ZNF804A: variants seen among roughly 807,000 people sequenced by gnomAD.
ZNF804A encodes zinc finger protein 804A.
In ZNF804A, 2 loss-of-function variants were observed where a neutral mutation model predicts 16.5. The ratio of observed to expected loss-of-function variants is 0.12; its 90% CI spans 0.05 to 0.38. The LOEUF (loss-of-function observed/expected upper bound fraction) is 0.38. Among genes scored for constraint, ZNF804A ranks in the 10% least tolerant of loss-of-function variants. ZNF804A has a pLI of 0.99. For missense variants in ZNF804A, 1,473 were observed against 1,390.7 expected (o/e 1.06, Z -0.94); for synonymous variants, 534 against 489.6 (o/e 1.09, Z -1.20).
intron 1 of ZNF804A, among the ~76,000 whole-genome samples, chr2:184,812,598 G>GA (rs755757980): frequency 2.0e-5 from 3 of 151,976 alleles, no homozygotes; most frequent in East Asian, 1.9e-4. Flanking sequence ...CAAATGAAAG[G>GA]AAAAAAGGGG....
chr2:184,849,553 A>G (rs1695571590), intron 1 of ZNF804A, among the ~76,000 whole-genome samples: 1 of 152,074 alleles, frequency 6.6e-6, no homozygotes, highest in South Asian at 2.1e-4. Context: ...TTCCCCAGTT[A>G]AAATGGATTC....
At chr2:184,823,255 A>G (rs1695109667) in intron 1 of ZNF804A, among the ~76,000 whole-genome samples, 1 of 152,082 alleles carries the variant, frequency 6.6e-6, no homozygotes, top group Non-Finnish European at 1.5e-5. Context: ...TGATCCAGTG[A>G]TTTTATAAGG....
chr2:184,633,525 C>T (rs1691645288), intron 1 of ZNF804A, among the ~76,000 whole-genome samples: 1 of 152,122 alleles, frequency 6.6e-6, no homozygotes, highest in African/African-American at 2.4e-5. Context: ...TAGTTAATGA[C>T]TTAGTGACTT....
chr2:184,800,136 T>A (rs576259777), intron 1 of ZNF804A, among the ~76,000 whole-genome samples: 6 of 152,120 alleles, frequency 3.9e-5, no homozygotes, highest in Non-Finnish European at 8.8e-5. Flanking sequence ...GACCTCTCAT[T>A]CACTTCTCAT....
chr2:184,614,187 G>A (rs1339495895), intron 1 of ZNF804A, among the ~76,000 whole-genome samples: 1 of 152,092 alleles, frequency 6.6e-6, no homozygotes, highest in African/African-American at 2.4e-5. Flanking sequence ...AATGGGGAAA[G>A]GATTCCCAAT....
chr2:184,861,041 C>T (rs1695792610), intron 1 of ZNF804A, among the ~76,000 whole-genome samples: 1 of 152,182 alleles, frequency 6.6e-6, no homozygotes, highest in Non-Finnish European at 1.5e-5. Flanking sequence ...GGCCTGGAGC[C>T]TAGGGCTATA....
At chr2:184,789,066 G>A (rs980377402) in intron 1 of ZNF804A, among the ~76,000 whole-genome samples, 8 of 151,950 alleles carry the variant, frequency 5.3e-5, no homozygotes, top group African/African-American at 1.9e-4. Context: ...GGATGTTATC[G>A]AATGGTTTTT....
chr2:184,844,762 A>G (rs544602067), intron 1 of ZNF804A, among the ~76,000 whole-genome samples: 1 of 151,970 alleles, frequency 6.6e-6, no homozygotes, highest in East Asian at 1.9e-4. Context: ...ACCTGTTACT[A>G]ATTTGGGGAA....
chr2:184,700,289 A>G (rs771210896), intron 1 of ZNF804A, among the ~76,000 whole-genome samples: 8 of 152,108 alleles, frequency 5.3e-5, no homozygotes, highest in Non-Finnish European at 1.2e-4. Flanking sequence ...AATTTAACTA[A>G]ATAGATTGGT....
intron 2 of ZNF804A, among the ~76,000 whole-genome samples, chr2:184,886,732 G>T (rs1684897357): frequency 6.6e-6 from 1 of 152,246 alleles, no homozygotes; most frequent in Admixed American, 6.5e-5. Flanking sequence ...AGCCCAAGCT[G>T]TATGTTGGCC....
chr2:184,897,159 T>C (rs1383963328), intron 2 of ZNF804A, among the ~76,000 whole-genome samples: 2 of 152,092 alleles, frequency 1.3e-5, no homozygotes, highest in Non-Finnish European at 2.9e-5. Context: ...TAATGATTCT[T>C]ATGATTAAAA....
intron 1 of ZNF804A, among the ~76,000 whole-genome samples, chr2:184,647,202 A>G (rs1691891963): frequency 6.6e-6 from 1 of 152,222 alleles, no homozygotes; most frequent in African/African-American, 2.4e-5. Context: ...AGGGAAAGAA[A>G]AAACAACAAT....
chr2:184,891,504 A>G (rs1684984093), intron 2 of ZNF804A, among the ~76,000 whole-genome samples: 1 of 152,230 alleles, frequency 6.6e-6, no homozygotes, highest in Admixed American at 6.5e-5. Context: ...GAAAGAAATT[A>G]CAGAGTAAAA....
In ZNF804A at chr2:184,938,756, A is replaced by C; in HGVS notation, c.3360A>C (p.Gly1120=). ...AAAAAAAAAA[G]TFKVLQPHQQ... ...CTGCAGCTGCAGCCGCAGCTGCAGGAACCTTTAAAGTGCTTCAGCCACACC... is the reference window on the plus strand; with the variant it reads ...CTGCAGCTGCAGCCGCAGCTGCAGGCACCTTTAAAGTGCTTCAGCCACACC... Residue 1120 remains glycine (G), a synonymous_variant, in exon 4 of 4, where the codon GGA becomes GGC. Coordinates refer to ENST00000302277, the MANE Select transcript of ZNF804A (RefSeq NM_194250.2). 1 of 1,613,252 alleles carries C rather than the reference A, an allele frequency of 6.2e-7. No homozygotes were observed. Among genetic ancestry groups the C allele is most frequent in the Non-Finnish European group, 8.5e-7 (1 of 1,179,716 alleles).
intron 1 of ZNF804A, among the ~76,000 whole-genome samples, chr2:184,705,106 A>T (rs534550321): frequency 6.6e-6 from 1 of 152,214 alleles, no homozygotes; most frequent in East Asian, 1.9e-4. Context: ...AGCAGAGATG[A>T]GACTGGAAGA....
intron 1 of ZNF804A, among the ~76,000 whole-genome samples, chr2:184,767,111 C>A (rs185679955): frequency 2.0e-5 from 3 of 152,100 alleles, no homozygotes; most frequent in Admixed American, 6.6e-5. Context: ...GGATTTCCGG[C>A]CTCCAAGACT....
chr2:184,928,255 G>A (rs998743847), intron 2 of ZNF804A, among the ~76,000 whole-genome samples: 5 of 152,122 alleles, frequency 3.3e-5, no homozygotes, highest in Non-Finnish European at 7.4e-5. Context: ...CTAGCCCAGC[G>A]TGTGTTTAGA....
chr2:184,774,900 G>A (rs1694264114), intron 1 of ZNF804A, among the ~76,000 whole-genome samples: 2 of 151,468 alleles, frequency 1.3e-5, no homozygotes, highest in Non-Finnish European at 3.0e-5. Context: ...CCCTTCATGA[G>A]GGAAGAGATG....
chr2:184,823,978 A>T (rs926216353), intron 1 of ZNF804A, among the ~76,000 whole-genome samples: 2 of 152,186 alleles, frequency 1.3e-5, no homozygotes, highest in African/African-American at 4.8e-5. Flanking sequence ...ATATTAAGAT[A>T]TCTTTACTTT....
Sources: gnomAD v4.1 joint callset for allele counts (sites outside exome capture counted in the v4.1 genomes callset) on GRCh38, gnomAD v4.1.1 for gene constraint, MANE v1.5 for transcripts, NCBI Gene and HGNC (gene_info 2026-07-23, HGNC 2026-07-21) for gene names.